The following TKTL1 variants were observed in gnomAD, a reference collection of about 807,000 sequenced individuals.
TKTL1 encodes transketolase-like protein 1.
Under a neutral mutation model 39.3 loss-of-function variants are expected in TKTL1, and 1 was observed. That is an observed-to-expected ratio of 0.03 (90% CI 0.01 to 0.12). The LOEUF (loss-of-function observed/expected upper bound fraction) is 0.12, where lower values mean the gene tolerates loss of function less well. TKTL1 is among the 10% of genes least tolerant of loss of function. The pLI is 1.00. For missense variants in TKTL1, 575 were observed against 509.6 expected (o/e 1.13, Z -1.24); for synonymous variants, 262 against 193.8 (o/e 1.35, Z -2.92).
At chrX:154,324,197 A>G (rs1246110689) in intron 9 of TKTL1, among the ~76,000 whole-genome samples, 2 of 110,391 alleles carry the variant, frequency 1.8e-5, no homozygotes, top group Non-Finnish European at 3.8e-5. Flanking sequence ...CCCAGGCTGG[A>G]GTGCAGTGGC....
At chrX:154,318,549 A>G (rs2067421648) in intron 7 of TKTL1, among the ~76,000 whole-genome samples, 1 of 107,570 alleles carries the variant, frequency 9.3e-6, no homozygotes, top group African/African-American at 3.4e-5. Context: ...AATACAAAAA[A>G]AAAAAAAAAT....
chrX:154,309,567 C>T lies in TKTL1; in HGVS notation c.350+125C>T, dbSNP rs1603352308. The T allele has an allele frequency of 1.2e-5, 7 of 574,124 alleles. No individual in the cohort carries two copies. The East Asian group carries it at 2.4e-4, about 20-fold the overall frequency. The allele number at this position is 574,124 out of a possible 1,213,427, so 47.3% of individuals were successfully genotyped here. A position where few individuals can be genotyped will look rare whatever the true frequency, so the allele number is the denominator to read the frequency against. ...TGAAGGGCCAGTCCCCATCACATCC[C>T]GTGGTGACCCCTCTGGAAGGCCTTC... On this transcript the variant is annotated intron_variant, in intron 3 of 12. Transcript: ENST00000369915.
At chrX:154,316,141 C>T (rs1008604206) in intron 7 of TKTL1, among the ~76,000 whole-genome samples, 5 of 111,606 alleles carry the variant, frequency 4.5e-5, no homozygotes, top group African/African-American at 1.6e-4. Flanking sequence ...GAGTGCTCAG[C>T]TCACTGCAAG....
intron 6 of TKTL1, among the ~76,000 whole-genome samples, chrX:154,313,872 GA>G (rs1305222741): frequency 9.2e-6 from 1 of 108,128 alleles, no homozygotes; most frequent in Non-Finnish European, 1.9e-5. Context: ...AGTTTGAGGG[GA>G]TAGTGAGCTA....
At chrX:154,307,668 G>T (rs1355363053) in intron 2 of TKTL1, among the ~76,000 whole-genome samples, 1 of 112,720 alleles carries the variant, frequency 8.9e-6, no homozygotes, top group Admixed American at 9.4e-5. Context: ...TTTGAGATGG[G>T]CCCACTGGCC....
At chrX:154,312,849 C>G in intron 6 of TKTL1, 76 bp downstream of exon 6, 1 of 955,432 alleles carries the variant, frequency 1.0e-6, no homozygotes. Context: ...CGTATGTACA[C>G]AGGATTCTTC....
intron 3 of TKTL1, 96 bp downstream of exon 3, chrX:154,309,538 G>A: frequency 1.4e-6 from 1 of 718,273 alleles, no homozygotes; most frequent in Non-Finnish European, 2.2e-6. Context: ...GATGTGGAGA[G>A]CCCTGAAGGG....
Position 154,311,496 on chromosome X carries a change from C to T in TKTL1, c.670+258C>T, listed in dbSNP as rs782742884. ...GGGAGTGGCTAGGAGTACAGCCCAT[C>T]GGAGGACTGACAGGGAACAATCTCT... On this transcript the variant is annotated intron_variant, in intron 5 of 12. Coordinates refer to ENST00000369915, the MANE Select transcript of TKTL1 (RefSeq NM_012253.4). 8.1e-5 allele frequency among the ~76,000 whole-genome samples: 9 copies of T among 111,784 alleles called. No individual in the cohort carries two copies. The South Asian group carries it at 1.1e-3, about 14-fold the overall frequency.
Position 154,295,832 on chromosome X carries a change from G to A in TKTL1, c.-28G>A. On this transcript the variant is annotated 5_prime_UTR_variant, in exon 1 of 13. Coordinates refer to ENST00000369915, the MANE Select transcript of TKTL1 (RefSeq NM_012253.4). ...TCAGACGCCGGAGACGTAGGAGTGG[G>A]TCTTCAGACTCCAAAGGGGTTGGAC... 2.5e-6 allele frequency: 3 copies of A among 1,205,067 alleles called. No homozygotes were observed. Among genetic ancestry groups the A allele is most frequent in the Non-Finnish European group, 2.2e-6 (2 of 891,688 alleles).
At chrX:154,300,596 T>G (rs1037811532) in intron 1 of TKTL1, among the ~76,000 whole-genome samples, 3 of 112,220 alleles carry the variant, frequency 2.7e-5, no homozygotes, top group African/African-American at 9.7e-5. Context: ...GTTGGTGTAG[T>G]GCTACTGATT....
chrX:154,318,576 T>C lies in TKTL1; in HGVS notation c.1030-2181T>C, dbSNP rs111377474. Among the ~76,000 whole-genome samples, 96 of 106,483 alleles carry C rather than the reference T, an allele frequency of 9.0e-4. 1 individual carries two copies. In the East Asian group the frequency reaches 0.011, roughly 12 times the overall value. 92.5% of individuals were successfully genotyped at this position (106,483 alleles called of 115,157 possible). On this transcript the variant is annotated intron_variant, in intron 7 of 12. Coordinates refer to ENST00000369915, the MANE Select transcript of TKTL1 (RefSeq NM_012253.4). ...AAAAAAAATTAGCCGGGCGTGGTGG[T>C]GGGTGCCTGTAGTCCCAGCTACTCG... is the stretch of plus-strand genomic sequence containing the variant.
rs782465399 is a variant in TKTL1, at chrX:154,315,844, C to T, written c.1029+507C>T. Among the ~76,000 whole-genome samples the T allele has an allele frequency of 3.6e-5, 4 of 112,508 alleles. No homozygotes were observed. The South Asian group carries it at 1.1e-3, about 31-fold the overall frequency. ...TGGTGCCTTAGGCAAAGCCATTCTG[C>T]TTATCTATGCCTCAGTCTCTCCCCA... On this transcript the variant is annotated intron_variant, in intron 7 of 12. Transcript: ENST00000369915.
intron 1 of TKTL1, among the ~76,000 whole-genome samples, chrX:154,299,111 C>T (rs1557165310): frequency 9.6e-6 from 1 of 104,135 alleles, no homozygotes; most frequent in Non-Finnish European, 2.0e-5. Context: ...CTTCTGTTTT[C>T]ATTTGTCTCT....
Position 154,309,593 on chromosome X carries a change from C to T in TKTL1, c.350+151C>T, listed in dbSNP as rs782601415. ...GTGGTGACCCCTCTGGAAGGCCTTC[C>T]CTGTGCCTTTTCCCCACCTCGGGCG... On this transcript the variant is annotated intron_variant, in intron 3 of 12. Transcript: ENST00000369915. 188 of 494,195 alleles carry T rather than the reference C, an allele frequency of 3.8e-4. No individual in the cohort carries two copies. In the African/African-American group the frequency reaches 4.2e-3, roughly 11 times the overall value. 40.7% of individuals were successfully genotyped at this position (494,195 alleles called of 1,213,427 possible).
chrX:154,327,802 T>C, intron 11 of TKTL1, 37 bp from the exon 12 acceptor site: 1 of 1,210,460 alleles, frequency 8.3e-7, no homozygotes, highest in Non-Finnish European at 1.1e-6. Context: ...ATTCTGAGTC[T>C]CTTTCTTGTA....
intron 1 of TKTL1, among the ~76,000 whole-genome samples, chrX:154,297,955 C>G (rs1465160609): frequency 1.8e-5 from 2 of 111,399 alleles, no homozygotes; most frequent in African/African-American, 3.3e-5. Context: ...GTTAATTTTT[C>G]TTTAAATGTT....
Position 154,312,593 on chromosome X carries a change from A to G in TKTL1, c.684A>G (p.Ala228=). The G allele has an allele frequency of 8.3e-7, 1 of 1,208,904 alleles. No homozygotes were observed. The highest frequency in any genetic ancestry group is 1.1e-6 in the Non-Finnish European group (1 of 893,909). Residue 228 remains alanine, a synonymous_variant, in exon 6 of 13, where the codon GCA becomes GCG. Coordinates refer to ENST00000369915, the MANE Select transcript of TKTL1 (RefSeq NM_012253.4). The part of the protein sequence containing the change: ...KGRGTPSIED[A]ESWHAKPMPR... ...GTTTCATTACAGGTATTGAGGATGC[A>G]GAAAGTTGGCATGCAAAGCCAATGC... is the stretch of plus-strand genomic sequence containing the variant.
chrX:154,304,471 C>G lies in TKTL1; in HGVS notation c.135-833C>G, dbSNP rs185484611. ...ATCAGGCTGGGTGCGTGGCTCATGC[C>G]TGTAATCCCAGCACCTTGGGAGGCC... is the stretch of plus-strand genomic sequence containing the variant. On this transcript the variant is annotated intron_variant, in intron 1 of 12. Transcript: ENST00000369915. 8.2e-5 allele frequency among the ~76,000 whole-genome samples: 9 copies of G among 110,035 alleles called. No individual in the cohort carries two copies. In the Admixed American group the frequency reaches 8.6e-4, roughly 11 times the overall value.
chrX:154,317,614 G>T (rs2067411640), intron 7 of TKTL1, among the ~76,000 whole-genome samples: 1 of 112,801 alleles, frequency 8.9e-6, no homozygotes, highest in Non-Finnish European at 1.9e-5. Context: ...AACAGCCTGC[G>T]TTTTCCAAAA....
Sources: allele counts gnomAD v4.1 joint callset (sites outside exome capture counted in the v4.1 genomes callset), GRCh38; gene constraint gnomAD v4.1.1; transcripts MANE v1.5; gene names NCBI Gene and HGNC (gene_info 2026-07-23, HGNC 2026-07-21).